ADAMTS2: variants seen among roughly 807,000 people sequenced by gnomAD.
ADAMTS2 encodes the protein ADAM metallopeptidase with thrombospondin type 1 motif 2.
In ADAMTS2, 50 loss-of-function variants were observed where a neutral mutation model predicts 123.0. The observed-to-expected ratio is 0.41, with a 90% CI of 0.32 to 0.51. ADAMTS2 has a LOEUF of 0.51. Among genes scored for constraint, ADAMTS2 ranks in the 20% least tolerant of loss-of-function variants. ADAMTS2 has a pLI of 0.35. For synonymous variants in ADAMTS2, 678 were observed against 695.4 expected (o/e 0.98, Z 0.39); for missense variants, 1,494 against 1,705.2 (o/e 0.88, Z 2.18).
In ADAMTS2 at chr5:179,262,162, C is replaced by T. The variant is rs935474175; in HGVS notation, c.688+10749G>A. On this transcript the variant is annotated intron_variant, in intron 3 of 21. Coordinates refer to ENST00000251582, the MANE Select transcript of ADAMTS2 (RefSeq NM_014244.5). This position sits in a 1 kb window ranked among gnomAD's most constrained non-coding sequence, Gnocchi z 5.9. Reference sequence around the variant, plus strand: ...ATGGGTGCCAATTCTGACTCCTGCACGTGGCCCAGACCACCTAACCTGCCA... The same window carrying T: ...ATGGGTGCCAATTCTGACTCCTGCATGTGGCCCAGACCACCTAACCTGCCA... Among the ~76,000 whole-genome samples, 2 of 152,086 alleles carry T rather than the reference C, an allele frequency of 1.3e-5. No homozygotes were observed. Among genetic ancestry groups the T allele is most frequent in the African/African-American group, 2.4e-5 (1 of 41,398 alleles).
chr5:179,181,274 C>A lies in ADAMTS2; in HGVS notation c.892-119G>T. The stretch of plus-strand genomic sequence containing the variant: ...TCCCATGCTTTCCACCCAGGCGTCA[C>A]CATCAACTAGGAGCCACCTTGTGAC... On this transcript the variant is annotated intron_variant, in intron 4 of 21. Coordinates refer to ENST00000251582, the MANE Select transcript of ADAMTS2 (RefSeq NM_014244.5). The surrounding 1 kb of genome is among the most constrained non-coding windows in gnomAD (Gnocchi z 4.1). 1.3e-6 allele frequency: 1 copy of A among 778,818 alleles called. No homozygotes were observed. Among genetic ancestry groups the A allele is most frequent in the Non-Finnish European group, 2.2e-6 (1 of 448,186 alleles). 48.2% of individuals were successfully genotyped at this position (778,818 alleles called of 1,614,324 possible).
chr5:179,339,846 C>A (rs1185474962), intron 2 of ADAMTS2, among the ~76,000 whole-genome samples: 1 of 152,258 alleles, frequency 6.6e-6, no homozygotes, highest in African/African-American at 2.4e-5. Context: ...AGCACCTGAG[C>A]CTGCTGGAGC....
At position 179,115,657 on chromosome 5, in the gene ADAMTS2, G is replaced by A. The variant is rs1720565338; in HGVS notation, c.3179-1333C>T. The stretch of plus-strand genomic sequence containing the variant: ...GAAGGAAGGAAAGAAAGGAAAAAAG[G>A]AAAGGGAGGGAGGGACAAAAGGAAG... On this transcript the variant is annotated intron_variant, in intron 21 of 21. Coordinates refer to ENST00000251582, the MANE Select transcript of ADAMTS2 (RefSeq NM_014244.5). This position sits in a 1 kb window ranked among gnomAD's most constrained non-coding sequence, Gnocchi z 4.4. Among the ~76,000 whole-genome samples the A allele has an allele frequency of 6.6e-6, 1 of 152,090 alleles. No individual in the cohort carries two copies. The highest frequency in any genetic ancestry group is 6.5e-5 in the Admixed American group (1 of 15,272).
At chr5:179,171,955 C>G (rs1031877761) in intron 5 of ADAMTS2, among the ~76,000 whole-genome samples, 6 of 152,176 alleles carry the variant, frequency 3.9e-5, no homozygotes, top group Non-Finnish European at 5.9e-5. Flanking sequence ...AGCACTGCCT[C>G]TCCCCTGCCT....
chr5:179,229,791 C>T (rs1158343143), intron 3 of ADAMTS2, among the ~76,000 whole-genome samples: 4 of 152,222 alleles, frequency 2.6e-5, no homozygotes, highest in Non-Finnish European at 5.9e-5. Context: ...CACATCATCC[C>T]TCCTAAGTAC....
intron 4 of ADAMTS2, among the ~76,000 whole-genome samples, chr5:179,184,593 C>T (rs969024051): frequency 1.3e-5 from 2 of 152,090 alleles, no homozygotes; most frequent in Non-Finnish European, 2.9e-5. Flanking sequence ...GTTGACCTCA[C>T]CGTCCACACA....
chr5:179,310,124 C>T (rs981966696), intron 2 of ADAMTS2, among the ~76,000 whole-genome samples: 2 of 152,240 alleles, frequency 1.3e-5, no homozygotes, highest in African/African-American at 2.4e-5. Context: ...GAGACCACCC[C>T]GGACTACGCC....
At chr5:179,278,562 G>C (rs1323673129) in intron 2 of ADAMTS2, among the ~76,000 whole-genome samples, 1 of 152,096 alleles carries the variant, frequency 6.6e-6, no homozygotes, top group Non-Finnish European at 1.5e-5. Flanking sequence ...GCCTGCTGGT[G>C]GCCTGTCTGT....
chr5:179,125,277 G>A (rs1762834187), intron 18 of ADAMTS2, 97 bp from the exon 19 acceptor site: 1 of 1,146,018 alleles, frequency 8.7e-7, no homozygotes, highest in Non-Finnish European at 1.3e-6. Context: ...CAGGTAGACA[G>A]CGAGCACAGA....
chr5:179,227,908 C>T (rs1394884646), intron 3 of ADAMTS2, among the ~76,000 whole-genome samples: 2 of 152,010 alleles, frequency 1.3e-5, no homozygotes, highest in East Asian at 1.9e-4. Context: ...GGGGAGGCAG[C>T]GTGTGGACAA....
At chr5:179,320,282 G>A (rs988007311) in intron 2 of ADAMTS2, among the ~76,000 whole-genome samples, 1 of 152,184 alleles carries the variant, frequency 6.6e-6, no homozygotes, top group Non-Finnish European at 1.5e-5. Flanking sequence ...GGAACCCTAA[G>A]CCTGCCTGGA....
chr5:179,138,153 A>C (rs1278738478), intron 11 of ADAMTS2, among the ~76,000 whole-genome samples: 1 of 152,158 alleles, frequency 6.6e-6, no homozygotes, highest in African/African-American at 2.4e-5. Flanking sequence ...GAAGCTCTTG[A>C]AAGGACAGGA....
chr5:179,185,044 A>C lies in ADAMTS2; in HGVS notation c.892-3889T>G, dbSNP rs914682388. On this transcript the variant is annotated intron_variant, in intron 4 of 21. Coordinates refer to ENST00000251582, the MANE Select transcript of ADAMTS2 (RefSeq NM_014244.5). This position sits in a 1 kb window ranked among gnomAD's most constrained non-coding sequence, Gnocchi z 5.9. ...CTGGCAGAGGAGGCAGCCCATGCAA[A>C]CCTCCCAGGGTTGGAAGCAGCGAGG... Among the ~76,000 whole-genome samples the C allele has an allele frequency of 2.0e-5, 3 of 152,126 alleles. No individual in the cohort carries two copies. The East Asian group carries it at 5.8e-4, about 29-fold the overall frequency.
chr5:179,236,612 AAAAC>A lies in ADAMTS2; in HGVS notation c.689-28901_689-28898del, dbSNP rs1765536029. Among the ~76,000 whole-genome samples, 4 of 152,272 alleles carry A rather than the reference AAAAC, an allele frequency of 2.6e-5. No individual in the cohort carries two copies. The South Asian group carries it at 8.3e-4, about 32-fold the overall frequency. On this transcript the variant is annotated intron_variant, in intron 3 of 21. Transcript: ENST00000251582. ...TCAAGAGCAGCCTGGGCAATATGGT[AAAAC>A]CCTGTCTCCATACACATAAAAAAAA...
rs961168472 is a variant in ADAMTS2 at position 179,228,428 on chromosome 5, G to T, written c.689-20713C>A. On this transcript the variant is annotated intron_variant, in intron 3 of 21. Transcript: ENST00000251582. This position sits in a 1 kb window ranked among gnomAD's most constrained non-coding sequence, Gnocchi z 5.2. Reference sequence around the variant, plus strand: ...CTTGTCCTCTCCAGCCAGCAGGGCAGAATTGGGGGTGGACTTGCCCCAGCC... The same window carrying T: ...CTTGTCCTCTCCAGCCAGCAGGGCATAATTGGGGGTGGACTTGCCCCAGCC... 1.3e-5 allele frequency among the ~76,000 whole-genome samples: 2 copies of T among 152,242 alleles called. No individual in the cohort carries two copies. Among genetic ancestry groups the T allele is most frequent in the African/African-American group, 4.8e-5 (2 of 41,470 alleles).
At chr5:179,151,059 G>T in intron 10 of ADAMTS2, 1 of 300,202 alleles carries the variant, frequency 3.3e-6, no homozygotes, top group Non-Finnish European at 7.0e-6. Context: ...ACCGCGCCCA[G>T]CTAATTTTTG....
In ADAMTS2 at chr5:179,117,985, G is replaced by A. The variant is rs1299308507; in HGVS notation, c.3179-3661C>T. The stretch of plus-strand genomic sequence containing the variant: ...GATCGTGGGTCAAGTGCACGCCTAG[G>A]TCAGAGCCATGCACGAGAAAGTGCT... On this transcript the variant is annotated intron_variant, in intron 21 of 21. Coordinates refer to ENST00000251582, the MANE Select transcript of ADAMTS2 (RefSeq NM_014244.5). This position sits in a 1 kb window ranked among gnomAD's most constrained non-coding sequence, Gnocchi z 4.2. Among the ~76,000 whole-genome samples the A allele has an allele frequency of 6.6e-6, 1 of 152,188 alleles. No homozygotes were observed. The highest frequency in any genetic ancestry group is 1.5e-5 in the Non-Finnish European group (1 of 68,040).
At chr5:179,152,407 G>A in intron 9 of ADAMTS2, 152 bp from the exon 10 acceptor site, 2 of 780,148 alleles carry the variant, frequency 2.6e-6, no homozygotes, top group South Asian at 3.0e-5. Context: ...ATTCTGGGGT[G>A]GTGAAGACCT....
rs770878226 is a variant in ADAMTS2, at chr5:179,202,188, GC to G, written c.891+5324del. Among the ~76,000 whole-genome samples, 13 of 151,646 alleles carry G rather than the reference GC, an allele frequency of 8.6e-5. No individual in the cohort carries two copies. Among genetic ancestry groups the G allele is most frequent in the Non-Finnish European group, 1.5e-4 (10 of 67,826 alleles). ...AAGACTGCGGCGGCCGGCCTTGCCGGCCCCGACTTCCCCTACCTGTGCCCCC... is the reference window on the plus strand; with the variant it reads ...AAGACTGCGGCGGCCGGCCTTGCCGGCCCGACTTCCCCTACCTGTGCCCCC... On this transcript the variant is annotated intron_variant, in intron 4 of 21. Coordinates refer to ENST00000251582, the MANE Select transcript of ADAMTS2 (RefSeq NM_014244.5). This position sits in a 1 kb window ranked among gnomAD's most constrained non-coding sequence, Gnocchi z 4.0.
Sources: gnomAD v4.1 joint callset for allele counts (sites outside exome capture counted in the v4.1 genomes callset) on GRCh38, gnomAD v4.1.1 for gene constraint, Gnocchi (gnomAD v3.1) non-coding constraint, MANE v1.5 for transcripts, NCBI Gene and HGNC (gene_info 2026-07-23, HGNC 2026-07-21) for gene names.